The following EML6 variants were observed in gnomAD, a reference collection of about 807,000 sequenced individuals.
The protein encoded by EML6 is echinoderm microtubule-associated protein-like 6.
EML6 carries 154 observed loss-of-function variants against 240.1 expected under a neutral mutation model. The observed-to-expected ratio is 0.64, with a 90% CI of 0.56 to 0.73. The LOEUF (loss-of-function observed/expected upper bound fraction) is 0.73. EML6 is among the 30% of genes least tolerant of loss of function. EML6 has a pLI of 0.00. For missense variants in EML6, 2,964 were observed against 2,474.6 expected (o/e 1.20, Z -4.20); for synonymous variants, 1,148 against 899.0 (o/e 1.28, Z -4.95).
At chr2:54,825,392 T>TA (rs1001093570) in intron 5 of EML6, among the ~76,000 whole-genome samples, 21 of 152,118 alleles carry the variant, frequency 1.4e-4, no homozygotes, top group Admixed American at 3.9e-4. Context: ...TATTCTTTAT[T>TA]AAAAAAAACT....
At chr2:54,923,575 C>A (rs578240476) in intron 26 of EML6, among the ~76,000 whole-genome samples, 9 of 152,082 alleles carry the variant, frequency 5.9e-5, no homozygotes, top group Non-Finnish European at 1.3e-4. Flanking sequence ...AAGATACTTA[C>A]CCCTAAATGT....
chr2:54,818,161 T>C (rs1034659117), intron 4 of EML6, among the ~76,000 whole-genome samples: 2 of 152,176 alleles, frequency 1.3e-5, no homozygotes, highest in African/African-American at 4.8e-5. Context: ...TTGGAAAAAG[T>C]AGAAAACTAA....
chr2:54,796,379 A>C (rs995035868), intron 2 of EML6, among the ~76,000 whole-genome samples: 2 of 152,182 alleles, frequency 1.3e-5, no homozygotes, highest in Non-Finnish European at 2.9e-5. Flanking sequence ...CAGAGAATCC[A>C]TTTCTTAAAG....
chr2:54,848,591 C>A (rs947957764), intron 9 of EML6, among the ~76,000 whole-genome samples: 6 of 148,500 alleles, frequency 4.0e-5, no homozygotes, highest in South Asian at 4.3e-4. Context: ...TCTAGTACAC[C>A]ATAATGCTAT....
intron 2 of EML6, among the ~76,000 whole-genome samples, chr2:54,786,503 G>A (rs1466955940): frequency 1.3e-5 from 2 of 152,094 alleles, no homozygotes; most frequent in Non-Finnish European, 2.9e-5. Context: ...TGCTGCTACC[G>A]CACCCGCTAC....
chr2:54,805,731 A>T (rs1394387301), intron 2 of EML6, among the ~76,000 whole-genome samples: 1 of 152,138 alleles, frequency 6.6e-6, no homozygotes, highest in East Asian at 1.9e-4. Flanking sequence ...TTTGTTCTCT[A>T]AGAGACCATT....
rs572555894 is a variant in EML6, at chr2:54,969,540, C to T, written c.5853-531C>T. Reference sequence around the variant, plus strand: ...CCAGCAGCTCCCTGTGAAGTGCTAACACCCCTTCAAAGCAGCACCAACCCA... The same window carrying T: ...CCAGCAGCTCCCTGTGAAGTGCTAATACCCCTTCAAAGCAGCACCAACCCA... On this transcript the variant is annotated intron_variant, in intron 41 of 41. Coordinates refer to ENST00000356458, the MANE Select transcript of EML6 (RefSeq NM_001039753.4). Among the ~76,000 whole-genome samples, 3 of 152,338 alleles carry T rather than the reference C, an allele frequency of 2.0e-5. No homozygotes were observed. In the East Asian group the frequency reaches 5.8e-4, roughly 29 times the overall value.
At chr2:54,855,374 G>A (rs964328123) in intron 11 of EML6, among the ~76,000 whole-genome samples, 9 of 151,964 alleles carry the variant, frequency 5.9e-5, no homozygotes, top group African/African-American at 1.5e-4. Context: ...ATGAAAATTT[G>A]TTCACTTTTA....
At chr2:54,948,517 G>T (rs943419367) in intron 28 of EML6, among the ~76,000 whole-genome samples, 4 of 152,220 alleles carry the variant, frequency 2.6e-5, no homozygotes, top group Non-Finnish European at 5.9e-5. Flanking sequence ...TCCAGGAAAT[G>T]TGGCCTCCCG....
At chr2:54,851,180 G>A (rs1670064059) in intron 10 of EML6, among the ~76,000 whole-genome samples, 2 of 152,196 alleles carry the variant, frequency 1.3e-5, no homozygotes, top group South Asian at 2.1e-4. Context: ...AGACTGAGGC[G>A]GGTGGATCAC....
chr2:54,907,884 A>G (rs554026996), intron 24 of EML6, among the ~76,000 whole-genome samples: 2 of 149,024 alleles, frequency 1.3e-5, no homozygotes, highest in South Asian at 4.2e-4. Flanking sequence ...CAGATAGATT[A>G]GATAGATTAG....
At chr2:54,921,388 T>C (rs753006466) in intron 26 of EML6, among the ~76,000 whole-genome samples, 1 of 152,126 alleles carries the variant, frequency 6.6e-6, no homozygotes, top group Admixed American at 6.6e-5. Context: ...AAGAACTGTA[T>C]ACTGAAATCT....
intron 3 of EML6, 49 bp downstream of exon 3, chr2:54,813,440 C>G: frequency 7.0e-7 from 1 of 1,432,292 alleles, no homozygotes; most frequent in Non-Finnish European, 9.6e-7. Flanking sequence ...TCACAACTCA[C>G]TTAAAACTAT....
chr2:54,818,668 A>G (rs1008077942), intron 4 of EML6, among the ~76,000 whole-genome samples: 1 of 152,210 alleles, frequency 6.6e-6, no homozygotes, highest in Non-Finnish European at 1.5e-5. Flanking sequence ...ACTTGCCTGT[A>G]TGTTTCAGTG....
intron 2 of EML6, among the ~76,000 whole-genome samples, chr2:54,790,297 A>T (rs1163202719): frequency 6.6e-6 from 1 of 152,142 alleles, no homozygotes; most frequent in Admixed American, 6.5e-5. Context: ...ATATGTATAT[A>T]TTGTTTTCAT....
At chr2:54,801,544 G>C (rs1293104301) in intron 2 of EML6, among the ~76,000 whole-genome samples, 2 of 152,184 alleles carry the variant, frequency 1.3e-5, no homozygotes, top group Admixed American at 1.3e-4. Context: ...AGGAGGGCGT[G>C]CTTGTCTTTC....
rs376024453 is a variant in EML6, at chr2:54,822,093, G to A, written c.525+1631G>A. Among the ~76,000 whole-genome samples the A allele has an allele frequency of 1.2e-4, 19 of 152,164 alleles. No homozygotes were observed. In the South Asian group the frequency reaches 1.5e-3, roughly 12 times the overall value. ...AAATGCAAAGATCTCTTGCAAATCC[G>A]TAGAATGGACAAAGAACATAGAAAA... On this transcript the variant is annotated intron_variant, in intron 5 of 41. Transcript: ENST00000356458.
chr2:54,869,092 T>A lies in EML6; in HGVS notation c.2052-89T>A, dbSNP rs1192426386. 3.7e-6 allele frequency: 3 copies of A among 816,818 alleles called. No homozygotes were observed. In the African/African-American group the frequency reaches 5.1e-5, roughly 14 times the overall value. 50.6% of individuals were successfully genotyped at this position (816,818 alleles called of 1,614,324 possible). A position where few individuals can be genotyped will look rare whatever the true frequency, so the allele number is the denominator to read the frequency against. On this transcript the variant is annotated intron_variant, in intron 14 of 41. Transcript: ENST00000356458. ...GGGGTTCCACTTGTACATGTTCACG[T>A]CAATATGTTAGCCTTGCCTCTGACA...
chr2:54,753,165 T>C (rs1341396931), intron 2 of EML6, among the ~76,000 whole-genome samples: 1 of 152,276 alleles, frequency 6.6e-6, no homozygotes, highest in Non-Finnish European at 1.5e-5. Flanking sequence ...TTTCTCCACA[T>C]TCTTGCCAAG....
Sources: allele counts gnomAD v4.1 joint callset (sites outside exome capture counted in the v4.1 genomes callset), GRCh38; gene constraint gnomAD v4.1.1; transcripts MANE v1.5; gene names NCBI Gene and HGNC (gene_info 2026-07-23, HGNC 2026-07-21).